KNTC1: variants seen among roughly 807,000 people sequenced by gnomAD.
KNTC1 encodes kinetochore associated 1.
Under a neutral mutation model 314.4 loss-of-function variants are expected in KNTC1, and 253 were observed. That is an observed-to-expected ratio of 0.80 (90% CI 0.73 to 0.89). KNTC1 has a LOEUF of 0.89. Among genes scored for constraint, KNTC1 ranks in the 40% least tolerant of loss-of-function variants. The pLI, the probability that KNTC1 is intolerant of heterozygous loss-of-function variation, is 0.00. For missense variants in KNTC1, 2,475 were observed against 2,572.9 expected, an observed-to-expected ratio of 0.96 and a Z score of 0.82; for synonymous variants, 901 against 901.4, an observed-to-expected ratio of 1.00 and a Z score of 0.01.
intron 43 of KNTC1, chr12:122,597,383 G>C (rs545326434): frequency 3.0e-5 from 8 of 270,562 alleles, no homozygotes; most frequent in East Asian, 1.9e-4. Context: ...CGAGTAGCTG[G>C]GACTACAGCC....
In KNTC1 at chr12:122,603,226, C is replaced by T; in HGVS notation, c.5084C>T (p.Ala1695Val). The T allele has an allele frequency of 6.2e-7, 1 of 1,606,424 alleles. No homozygotes were observed. The highest frequency in any genetic ancestry group is 8.5e-7 in the Non-Finnish European group (1 of 1,176,132). ...EWAVAIAISLAQDIPEGSFKI... is the reference protein window; with the variant it reads ...EWAVAIAISLVQDIPEGSFKI... ...GCTGTAGCTATTGCCATCAGCCTTGCCCAGGATATCCCTGAAGGTATGAGC... is the reference window on the plus strand; with the variant it reads ...GCTGTAGCTATTGCCATCAGCCTTGTCCAGGATATCCCTGAAGGTATGAGC... Residue 1695 changes from alanine (A) to valine (V), a missense_variant, in exon 48 of 64, where the codon GCC becomes GTC. By Grantham distance (64) the Ala-to-Val change is moderately conservative. Coordinates refer to ENST00000333479, the MANE Select transcript of KNTC1 (RefSeq NM_014708.6).
Position 122,530,092 on chromosome 12 carries a change from A to C in KNTC1, c.29A>C (p.Asn10Thr). The C allele has an allele frequency of 6.2e-7, 1 of 1,613,866 alleles. No individual in the cohort carries two copies. The highest frequency in any genetic ancestry group is 1.7e-5 in the Admixed American group (1 of 60,016). Reference protein sequence around the residue: MWNDIELLTNDDTGSGYLSV... With the variant: MWNDIELLTTDDTGSGYLSV... Reference sequence around the variant, plus strand: ...TGGAATGATATTGAGCTGCTAACAAATGATGATACCGGAAGTGGGTACCTG... The same window carrying C: ...TGGAATGATATTGAGCTGCTAACAACTGATGATACCGGAAGTGGGTACCTG... The change falls in exon 2 of 64, where the codon AAT becomes ACT. Residue 10 changes from asparagine to threonine, a missense_variant. Transcript: ENST00000333479.
chr12:122,568,920 A>G (rs748075402), intron 21 of KNTC1, among the ~76,000 whole-genome samples: 11 of 152,228 alleles, frequency 7.2e-5, no homozygotes, highest in African/African-American at 9.6e-5. Context: ...GTGAATGTAC[A>G]GTAGAACCTT....
chr12:122,580,783 C>T lies in KNTC1; in HGVS notation c.2982+113C>T, dbSNP rs565627882. ...GTGGCTTACCCCTGTAATCCCAGCA[C>T]TTTGGGAGGCCAAGGTGAGTGGATC... On this transcript the variant is annotated intron_variant, in intron 33 of 63. Coordinates refer to ENST00000333479, the MANE Select transcript of KNTC1 (RefSeq NM_014708.6). 2.7e-4 allele frequency: 153 copies of T among 574,776 alleles called. No individual in the cohort carries two copies. In the African/African-American group the frequency reaches 2.7e-3, roughly 10 times the overall value. The allele number at this position is 574,776 out of a possible 1,614,324, so 35.6% of individuals were successfully genotyped here.
intron 18 of KNTC1, 22 bp from the exon 19 acceptor site, chr12:122,561,897 GTA>G: frequency 1.3e-6 from 2 of 1,531,326 alleles, no homozygotes; most frequent in Non-Finnish European, 1.8e-6. Flanking sequence ...TCTTCTAACT[GTA>G]TTTCTTATTA....
intron 6 of KNTC1, among the ~76,000 whole-genome samples, chr12:122,542,611 C>G (rs368911578): frequency 7.2e-5 from 11 of 152,126 alleles, no homozygotes; most frequent in African/African-American, 2.2e-4. Context: ...ACTAAAAATA[C>G]AAAATTAGCC....
At chr12:122,608,196 G>A (rs776629902) in intron 51 of KNTC1, among the ~76,000 whole-genome samples, 14 of 152,102 alleles carry the variant, frequency 9.2e-5, no homozygotes, top group African/African-American at 3.1e-4. Context: ...TACAGCCTCC[G>A]CCTCCCCGGC....
Position 122,618,379 on chromosome 12 carries a change from C to G in KNTC1, c.6067C>G (p.Gln2023Glu), listed in dbSNP as rs1243844350. 6.2e-7 allele frequency: 1 copy of G among 1,613,710 alleles called. No homozygotes were observed. The highest frequency in any genetic ancestry group is 8.5e-7 in the Non-Finnish European group (1 of 1,179,718). Residue 2023 changes from glutamine to glutamate, a missense_variant, in exon 58 of 64, where the codon CAG (glutamine) becomes GAG (glutamate). Gln to Glu is a conservative substitution (Grantham distance 29). Coordinates refer to ENST00000333479, the MANE Select transcript of KNTC1 (RefSeq NM_014708.6). The part of the protein sequence containing the change: ...YFSKAWQRVI[Q>E]IPLLSASCPL... ...CAGCAAAGCGTGGCAGCGTGTGATA[C>G]AGATACCACTGCTTTCAGGTATTTC... is the stretch of plus-strand genomic sequence containing the variant.
chr12:122,584,775 C>T, intron 35 of KNTC1, 118 bp from the exon 36 acceptor site: 1 of 625,454 alleles, frequency 1.6e-6, no homozygotes, highest in African/African-American at 1.9e-5. Context: ...TATATGGAAC[C>T]TTTCTATCTA....
chr12:122,588,614 TA>T, intron 39 of KNTC1, 97 bp from the exon 40 acceptor site: 1 of 889,292 alleles, frequency 1.1e-6, no homozygotes, highest in South Asian at 2.5e-5. Flanking sequence ...TTTTTGGATA[TA>T]ATGATGAATT....
intron 22 of KNTC1, among the ~76,000 whole-genome samples, chr12:122,570,574 C>T (rs1964621113): frequency 6.7e-6 from 1 of 149,980 alleles, no homozygotes; most frequent in Non-Finnish European, 1.5e-5. Flanking sequence ...TCAATAATAA[C>T]TTAATTCTAT....
At position 122,568,380 on chromosome 12, in the gene KNTC1, G is replaced by A; in HGVS notation, c.1716+8G>A. 6.7e-7 allele frequency: 1 copy of A among 1,503,260 alleles called. No homozygotes were observed. The highest frequency in any genetic ancestry group is 9.3e-7 in the Non-Finnish European group (1 of 1,080,814). 93.1% of individuals were successfully genotyped at this position (1,503,260 alleles called of 1,614,324 possible). On this transcript the variant is annotated splice_region_variant and intron_variant, in intron 21 of 63. Transcript: ENST00000333479. Reference sequence around the variant, plus strand: ...CTTTGGCTTCGACATCGGGTAACATGTTTTACATTTTTTCCTTAACAGCTT... The same window carrying A: ...CTTTGGCTTCGACATCGGGTAACATATTTTACATTTTTTCCTTAACAGCTT...
chr12:122,616,293 C>G (rs533035938), intron 57 of KNTC1, among the ~76,000 whole-genome samples: 1 of 149,666 alleles, frequency 6.7e-6, no homozygotes, highest in Admixed American at 6.7e-5. Context: ...GATGGAGTCT[C>G]GCTCTGTTGC....
In KNTC1 at chr12:122,613,301, C is replaced by T; in HGVS notation, c.5741+71C>T. On this transcript the variant is annotated intron_variant, in intron 54 of 63. Coordinates refer to ENST00000333479, the MANE Select transcript of KNTC1 (RefSeq NM_014708.6). ...ATTTTTTGGAGCTGTACCTTTTAAGCCCTGAATTCAGAAGAGCATAGTAGA... is the reference window on the plus strand; with the variant it reads ...ATTTTTTGGAGCTGTACCTTTTAAGTCCTGAATTCAGAAGAGCATAGTAGA... 2.9e-6 allele frequency: 3 copies of T among 1,034,314 alleles called. No homozygotes were observed. The Admixed American group carries it at 5.9e-5, about 20-fold the overall frequency. The allele number at this position is 1,034,314 out of a possible 1,614,324, so 64.1% of individuals were successfully genotyped here.
intron 2 of KNTC1, among the ~76,000 whole-genome samples, chr12:122,531,923 C>T (rs944546576): frequency 2.6e-5 from 4 of 151,562 alleles, no homozygotes; most frequent in South Asian, 4.2e-4. Flanking sequence ...TTAGTAGAGA[C>T]GGGGTTTCAC....
chr12:122,546,664 TTGATAC>T lies in KNTC1; in HGVS notation c.811_816del (p.Thr271_Asp272del), dbSNP rs1254137900. The T allele has an allele frequency of 9.5e-6, 15 of 1,574,274 alleles. No homozygotes were observed. Among genetic ancestry groups the T allele is most frequent in the Non-Finnish European group, 1.3e-5 (15 of 1,152,648 alleles). Reference sequence around the variant, plus strand: ...CTGATAGACAATCTACTTTTTGTTCTTGATACTGATGTATGTTTCTTGTTTCTCCTT... The same window carrying T: ...CTGATAGACAATCTACTTTTTGTTCTTGATGTATGTTTCTTGTTTCTCCTT... On this transcript the variant is annotated inframe_deletion, in exon 10 of 64. Transcript: ENST00000333479.
chr12:122,553,127 A>T lies in KNTC1; in HGVS notation c.1272+1431A>T, dbSNP rs890392926. Among the ~76,000 whole-genome samples, 4 of 150,812 alleles carry T rather than the reference A, an allele frequency of 2.7e-5. No homozygotes were observed. The South Asian group carries it at 8.4e-4, about 32-fold the overall frequency. ...AGCCAAGATCACACCACTGCATTCT[A>T]TCCTGGGCAACACAGCAAGACTCTG... On this transcript the variant is annotated intron_variant, in intron 16 of 63. Transcript: ENST00000333479.
intron 13 of KNTC1, 54 bp downstream of exon 13, chr12:122,549,918 G>A (rs1283844014): frequency 1.0e-6 from 1 of 959,234 alleles, no homozygotes; most frequent in Non-Finnish European, 1.6e-6. Context: ...TCTTTATCTG[G>A]TATCTAATCA....
intron 48 of KNTC1, 111 bp downstream of exon 48, chr12:122,603,354 A>G: frequency 1.2e-6 from 1 of 808,386 alleles, no homozygotes; most frequent in Non-Finnish European, 1.9e-6. Flanking sequence ...TTGCTCTCTT[A>G]ACTGTGGTGA....
Sources: allele counts gnomAD v4.1 joint callset (sites outside exome capture counted in the v4.1 genomes callset), GRCh38; gene constraint gnomAD v4.1.1; transcripts MANE v1.5; gene names NCBI Gene and HGNC (gene_info 2026-07-23, HGNC 2026-07-21).